CLDN16: variants seen among roughly 807,000 people sequenced by gnomAD.
The protein encoded by CLDN16 is claudin 16.
CLDN16 carries 13 observed loss-of-function variants against 24.6 expected under a neutral mutation model. The ratio of observed to expected loss-of-function variants is 0.53; its 90% CI spans 0.34 to 0.84. The LOEUF (loss-of-function observed/expected upper bound fraction) is 0.84. Ranked by LOEUF, CLDN16 falls within the 40% of genes least tolerant of loss-of-function variation. The pLI is 0.01. For missense variants in CLDN16, 298 were observed against 292.7 expected, an observed-to-expected ratio of 1.02 and a Z score of -0.13; for synonymous variants, 116 against 106.7, an observed-to-expected ratio of 1.09 and a Z score of -0.54.
At chr3:190,348,335 A>G (rs916977065) in intron 1 of CLDN16, among the ~76,000 whole-genome samples, 12 of 138,370 alleles carry the variant, frequency 8.7e-5, no homozygotes, top group East Asian at 2.2e-4. Flanking sequence ...CAAGACTGCA[A>G]TGTGTGTGTG....
In CLDN16 at chr3:190,382,544, C is replaced by A. The variant is rs150905144; in HGVS notation, n.306+7941C>A. ...ATGAATTTTGTAGGTAACATTTGTA[C>A]CAATGGTGATCCTACCACTATTTGA... is the stretch of plus-strand genomic sequence containing the variant. On this transcript the variant is annotated intron_variant and non_coding_transcript_variant, in intron 3 of 4. Coordinates refer to the CLDN16 transcript ENST00000468220. 1.9e-3 allele frequency among the ~76,000 whole-genome samples: 293 copies of A among 152,214 alleles called. 4 individuals carry two copies. The highest frequency in any genetic ancestry group is 5.9e-4 in the Non-Finnish European group (40 of 67,994).
At chr3:190,335,708 CAAAAAAAAA>C (rs34082811) in intron 1 of CLDN16, among the ~76,000 whole-genome samples, 2 of 60,148 alleles carry the variant, frequency 3.3e-5, no homozygotes, top group Admixed American at 4.5e-4. Context: ...AAGACTCCAT[CAAAAAAAAA>C]AAAAAAAAAA....
At chr3:190,404,148 T>C (rs934374502) in intron 2 of CLDN16, among the ~76,000 whole-genome samples, 3 of 151,694 alleles carry the variant, frequency 2.0e-5, no homozygotes, top group African/African-American at 7.3e-5. Flanking sequence ...CCAAGAAGAG[T>C]CATGATTTAA....
chr3:190,300,636 GA>G, the CLDN16 span, among the ~76,000 whole-genome samples: 2 of 152,140 alleles, frequency 1.3e-5, no homozygotes, highest in Non-Finnish European at 2.9e-5. Flanking sequence ...GTCATTTACA[GA>G]AAAAAGTTTG....
intron 1 of CLDN16, among the ~76,000 whole-genome samples, chr3:190,338,662 G>A (rs1390964051): frequency 6.6e-6 from 1 of 152,180 alleles, no homozygotes; most frequent in Admixed American, 6.5e-5. Flanking sequence ...CAGGGATAAT[G>A]TGTATTATTG....
At chr3:190,312,962 C>T in the CLDN16 span, 36 of 1,614,180 alleles carry the variant, frequency 2.2e-5, no homozygotes, top group Middle Eastern at 1.6e-4. Context: ...TTCATGCCAA[C>T]GGTGGCCACA....
chr3:190,386,664 A>G (rs6764651), upstream of CLDN16, among the ~76,000 whole-genome samples: 93,002 of 151,970 alleles, frequency 0.61, 29,461 homozygotes, highest in East Asian at 0.86. Context: ...TTTGCAGACC[A>G]TGATTAACCA....
intron 1 of CLDN16, among the ~76,000 whole-genome samples, chr3:190,346,934 G>A (rs756566268): frequency 2.6e-5 from 4 of 152,046 alleles, no homozygotes; most frequent in Non-Finnish European, 4.4e-5. Context: ...TATTACTTCC[G>A]AAAAGCTCCT....
At chr3:190,330,106 G>A (rs1055874910) in intron 1 of CLDN16, among the ~76,000 whole-genome samples, 3 of 151,916 alleles carry the variant, frequency 2.0e-5, no homozygotes, top group Admixed American at 6.6e-5. Context: ...TTTCAGGTTC[G>A]CTAGCTAGAA....
intron 1 of CLDN16, among the ~76,000 whole-genome samples, chr3:190,348,176 A>C (rs1717593611): frequency 6.7e-6 from 1 of 149,596 alleles, no homozygotes; most frequent in Admixed American, 6.7e-5. Context: ...AATTGCTTGA[A>C]TCTGGGAGGC....
At chr3:190,308,152 G>T in the CLDN16 span, 9 of 1,151,900 alleles carry the variant, frequency 7.8e-6, no homozygotes, top group Admixed American at 8.9e-5. Flanking sequence ...TTGTTTGTTT[G>T]TTTGTTTTGT....
intron 1 of CLDN16, among the ~76,000 whole-genome samples, chr3:190,328,539 ATAGCAG>A (rs1717118192): frequency 6.6e-6 from 1 of 152,164 alleles, no homozygotes; most frequent in Non-Finnish European, 1.5e-5. Flanking sequence ...TTGATAAATG[ATAGCAG>A]TACTGTGAGA....
chr3:190,408,222 C>T (rs941466784), intron 3 of CLDN16, 92 bp from the exon 4 acceptor site: 4 of 1,258,292 alleles, frequency 3.2e-6, no homozygotes, highest in Middle Eastern at 1.9e-4. Context: ...CTCTCTGAAT[C>T]ACGCCAGCCA....
At chr3:190,342,949 A>T (rs1033143246) in intron 1 of CLDN16, among the ~76,000 whole-genome samples, 1 of 152,230 alleles carries the variant, frequency 6.6e-6, no homozygotes, top group Non-Finnish European at 1.5e-5. Flanking sequence ...CAAAAGCAAA[A>T]GTAAATAAGT....
chr3:190,294,304 A>T, the CLDN16 span, among the ~76,000 whole-genome samples: 1 of 152,342 alleles, frequency 6.6e-6, no homozygotes, highest in South Asian at 2.1e-4. Flanking sequence ...TTAAGCTGCT[A>T]GTATTAAATA....
chr3:190,326,877 T>G (rs1474543251), intron 1 of CLDN16, among the ~76,000 whole-genome samples: 1 of 152,202 alleles, frequency 6.6e-6, no homozygotes. Flanking sequence ...CTTGTGTCAT[T>G]TGGGGAAGAT....
At chr3:190,335,623 A>T (rs752131235) in intron 1 of CLDN16, among the ~76,000 whole-genome samples, 1 of 150,150 alleles carries the variant, frequency 6.7e-6, no homozygotes, top group African/African-American at 2.5e-5. Flanking sequence ...GAGGCAGGGG[A>T]ATCACTTGAA....
intron 3 of CLDN16, among the ~76,000 whole-genome samples, chr3:190,406,908 C>CT (rs1719118884): frequency 6.6e-6 from 1 of 151,610 alleles, no homozygotes. Flanking sequence ...CGCCTGGCTA[C>CT]TTTTTGTATT....
chr3:190,406,993 G>GC (rs1183436201), intron 3 of CLDN16, among the ~76,000 whole-genome samples: 5 of 151,980 alleles, frequency 3.3e-5, no homozygotes, highest in South Asian at 2.1e-4. Context: ...GCCCGCCTCG[G>GC]CCCCCCAAAG....
Sources: gnomAD v4.1 joint callset for allele counts (sites outside exome capture counted in the v4.1 genomes callset) on GRCh38, gnomAD v4.1.1 for gene constraint, MANE v1.5 for transcripts, NCBI Gene and HGNC (gene_info 2026-07-23, HGNC 2026-07-21) for gene names.